SULT1B1: variants seen among roughly 807,000 people sequenced by gnomAD.
SULT1B1 encodes sulfotransferase 1B1.
Under a neutral mutation model 34.6 loss-of-function variants are expected in SULT1B1, and 28 were observed. The observed-to-expected ratio is 0.81, with a 90% CI of 0.60 to 1.11. SULT1B1 has a LOEUF of 1.11. Ranked by LOEUF, SULT1B1 falls within the 50% of genes least tolerant of loss-of-function variation. The probability of loss-of-function intolerance (pLI) is 0.00; values close to 1 mark genes in which losing one functional copy is unlikely to be tolerated. For missense variants in SULT1B1, 374 were observed against 352.2 expected (o/e 1.06, Z -0.50); for synonymous variants, 147 against 110.2 (o/e 1.33, Z -2.09).
intron 7 of SULT1B1, among the ~76,000 whole-genome samples, chr4:69,729,606 T>C (rs1225209600): frequency 2.0e-5 from 3 of 152,086 alleles, no homozygotes; most frequent in African/African-American, 7.2e-5. Flanking sequence ...TTGAAAACAC[T>C]AGGACTATTT....
At position 69,749,757 on chromosome 4, in the gene SULT1B1, A is replaced by T. The variant is rs764996643; in HGVS notation, c.339T>A (p.Asp113Glu). The change falls in exon 4 of 8, where the codon GAT becomes GAA. Residue 113 changes from aspartate to glutamate, a missense_variant. Transcript: ENST00000310613. ...PRIVKTHLPT[D>E]LLPKSFWENN... ...TTTCCCAGAAAGATTTAGGAAGAAG[A>T]TCAGTCGGTAGATGTGTTTTCACAA... 6.2e-7 allele frequency: 1 copy of T among 1,613,688 alleles called. No homozygotes were observed. Among genetic ancestry groups the T allele is most frequent in the Non-Finnish European group, 8.5e-7 (1 of 1,179,694 alleles).
Position 69,755,167 on chromosome 4 carries a change from A to G in SULT1B1, c.51T>C (p.Gly17=). Residue 17 remains glycine (G), a synonymous_variant, in exon 2 of 8, where the codon GGT becomes GGC. Transcript: ENST00000310613. ...ILRKDLKLVH[G]YPMTCAFASN... Reference sequence around the variant, plus strand: ...TTGCAAAAGCACAGGTCATGGGATAACCATGGACCAACTTCAGATCTTTTC... The same window carrying G: ...TTGCAAAAGCACAGGTCATGGGATAGCCATGGACCAACTTCAGATCTTTTC... 6.2e-7 allele frequency: 1 copy of G among 1,613,572 alleles called. No individual in the cohort carries two copies.
intron 4 of SULT1B1, among the ~76,000 whole-genome samples, chr4:69,749,115 C>CA (rs766180758): frequency 6.6e-6 from 1 of 151,412 alleles, no homozygotes. Flanking sequence ...TTAAGAGGGA[C>CA]AAAAAAGAAG....
rs924165523 is a variant in SULT1B1 at position 69,734,246 on chromosome 4, T to A, written c.394A>T (p.Asn132Tyr). 1.9e-6 allele frequency: 3 copies of A among 1,611,634 alleles called. No individual in the cohort carries two copies. Among genetic ancestry groups the A allele is most frequent in the Admixed American group, 3.3e-5 (2 of 59,798 alleles). Reference protein sequence around the residue: ...NNCKMIYLARNAKDVSVSYYH... With the variant: ...NNCKMIYLARYAKDVSVSYYH... Reference sequence around the variant, plus strand: ...TATGAGACTGAAACATCCTTGGCATTACGAGCCAGATAAATCATCTGCAGT... The same window carrying A: ...TATGAGACTGAAACATCCTTGGCATAACGAGCCAGATAAATCATCTGCAGT... The change falls in exon 5 of 8, where the codon AAT becomes TAT. Residue 132 changes from asparagine (N) to tyrosine (Y), a missense_variant. Coordinates refer to ENST00000310613, the MANE Select transcript of SULT1B1 (RefSeq NM_014465.4).
intron 1 of SULT1B1, chr4:69,758,568 T>C (rs1019200175): frequency 3.8e-5 from 26 of 690,146 alleles, no homozygotes; most frequent in Non-Finnish European, 4.5e-5. Flanking sequence ...AATGAGTCTC[T>C]ATTCATCGGC....
intron 5 of SULT1B1, among the ~76,000 whole-genome samples, 199 bp from the exon 6 acceptor site, chr4:69,733,706 G>A (rs1718178739): frequency 6.6e-6 from 1 of 152,058 alleles, no homozygotes; most frequent in Non-Finnish European, 1.5e-5. Flanking sequence ...TACAAAGAAA[G>A]CATTTCAGAC....
At chr4:69,755,993 T>C (rs976247299) in intron 1 of SULT1B1, among the ~76,000 whole-genome samples, 1 of 152,124 alleles carries the variant, frequency 6.6e-6, no homozygotes, top group Non-Finnish European at 1.5e-5. Context: ...CTGTGTGTGT[T>C]TCATTTGGGA....
At chr4:69,747,463 T>A (rs968760235) in intron 4 of SULT1B1, among the ~76,000 whole-genome samples, 1 of 152,172 alleles carries the variant, frequency 6.6e-6, no homozygotes, top group Admixed American at 6.5e-5. Flanking sequence ...GCAGGGGCCC[T>A]AGTAGAAGCC....
rs1719128939 is a variant in SULT1B1, at chr4:69,754,867, G to A, written c.149-69C>T. 2.0e-6 allele frequency: 3 copies of A among 1,528,066 alleles called. No individual in the cohort carries two copies. The Admixed American group carries it at 5.6e-5, about 29-fold the overall frequency. 94.7% of individuals were successfully genotyped at this position (1,528,066 alleles called of 1,614,324 possible). A position where few individuals can be genotyped will look rare whatever the true frequency, so the allele number is the denominator to read the frequency against. On this transcript the variant is annotated intron_variant, in intron 2 of 7. Coordinates refer to ENST00000310613, the MANE Select transcript of SULT1B1 (RefSeq NM_014465.4). ...ACGGGAGAGGGAGAAGAATTTATTG[G>A]AAACACTACCATCTTAACACATTCT...
At chr4:69,740,570 A>G (rs941591845) in intron 4 of SULT1B1, among the ~76,000 whole-genome samples, 3 of 152,192 alleles carry the variant, frequency 2.0e-5, no homozygotes, top group African/African-American at 7.2e-5. Flanking sequence ...ACACAGAACA[A>G]AACCATATTA....
chr4:69,738,034 C>T (rs2110021672), intron 4 of SULT1B1, among the ~76,000 whole-genome samples: 1 of 152,186 alleles, frequency 6.6e-6, no homozygotes, highest in Non-Finnish European at 1.5e-5. Flanking sequence ...CTCAATTATA[C>T]CCTGGTGTCT....
chr4:69,728,796 C>T (rs1273210628), intron 7 of SULT1B1, among the ~76,000 whole-genome samples: 1 of 152,000 alleles, frequency 6.6e-6, no homozygotes, highest in Admixed American at 6.6e-5. Context: ...ACTTTTGCCA[C>T]AGGTGTTATT....
At chr4:69,735,107 C>A (rs1020419629) in intron 4 of SULT1B1, among the ~76,000 whole-genome samples, 2 of 152,144 alleles carry the variant, frequency 1.3e-5, no homozygotes, top group South Asian at 4.1e-4. Context: ...CATGAACCAT[C>A]GTGCCCGGCC....
At chr4:69,749,861 GAAAGGCTAC>G in intron 3 of SULT1B1, 43 bp from the exon 4 acceptor site, 1 of 1,449,708 alleles carries the variant, frequency 6.9e-7, no homozygotes, top group Non-Finnish European at 9.7e-7. Context: ...AGAGTCTCCA[GAAAGGCTAC>G]GTTTCCTTAT....
rs1245339786 is a variant in SULT1B1 at position 69,724,532 on chromosome 4, A to G, written c.*2556T>C. 1 of 152,214 alleles carries G rather than the reference A, an allele frequency of 6.6e-6. No homozygotes were observed. Among genetic ancestry groups the G allele is most frequent in the Non-Finnish European group, 1.5e-5 (1 of 68,044 alleles). The allele number at this position is 152,214 out of a possible 1,614,324, so 9.4% of individuals were successfully genotyped here. On this transcript the variant is annotated 3_prime_UTR_variant, in exon 8 of 8. Coordinates refer to ENST00000310613, the MANE Select transcript of SULT1B1 (RefSeq NM_014465.4). ...ATTGGAAAAAACTACTTTAAAGTTC[A>G]TAAGAAACCAAAAAAGAGCCCGCAT...
At chr4:69,738,033 A>G (rs1165826087) in intron 4 of SULT1B1, among the ~76,000 whole-genome samples, 1 of 151,892 alleles carries the variant, frequency 6.6e-6, no homozygotes, top group East Asian at 1.9e-4. Context: ...CCTCAATTAT[A>G]CCCTGGTGTC....
chr4:69,743,702 G>A (rs976975598), intron 4 of SULT1B1, among the ~76,000 whole-genome samples: 1 of 152,160 alleles, frequency 6.6e-6, no homozygotes, highest in African/African-American at 2.4e-5. Context: ...GTCCAGAGGG[G>A]ACCCAGGGGG....
At position 69,731,691 on chromosome 4, in the gene SULT1B1, T is replaced by C. The variant is rs543816797; in HGVS notation, c.598-1010A>G. Reference sequence around the variant, plus strand: ...ATAATATTATCTACAAATGATTGTATGGTAGAAGAAAAATATTGTCTGTTA... The same window carrying C: ...ATAATATTATCTACAAATGATTGTACGGTAGAAGAAAAATATTGTCTGTTA... On this transcript the variant is annotated intron_variant, in intron 6 of 7. Transcript: ENST00000310613. Among the ~76,000 whole-genome samples the C allele has an allele frequency of 2.0e-5, 3 of 152,336 alleles. No homozygotes were observed. In the East Asian group the frequency reaches 5.8e-4, roughly 29 times the overall value.
rs1286336870 is a variant in SULT1B1, at chr4:69,723,472, C to G, written c.*3616G>C. ...CAAGGAGGAGCTGGTACCATTCCTT[C>G]TGAAACTATTCCAATGAACAGAAAA... On this transcript the variant is annotated 3_prime_UTR_variant, in exon 8 of 8. Coordinates refer to ENST00000310613, the MANE Select transcript of SULT1B1 (RefSeq NM_014465.4). 2.0e-5 allele frequency: 3 copies of G among 152,346 alleles called. No individual in the cohort carries two copies. The highest frequency in any genetic ancestry group is 4.4e-5 in the Non-Finnish European group (3 of 68,162). 9.4% of individuals were successfully genotyped at this position (152,346 alleles called of 1,614,324 possible). A position where few individuals can be genotyped will look rare whatever the true frequency, so the allele number is the denominator to read the frequency against.
Sources: gnomAD v4.1 joint callset for allele counts (sites outside exome capture counted in the v4.1 genomes callset) on GRCh38, gnomAD v4.1.1 for gene constraint, MANE v1.5 for transcripts, NCBI Gene and HGNC (gene_info 2026-07-23, HGNC 2026-07-21) for gene names.